DNAH11: variants seen among roughly 807,000 people sequenced by gnomAD.
The protein encoded by DNAH11 is dynein axonemal heavy chain 11.
A neutral mutation model predicts 526.0 loss-of-function variants in DNAH11; 442 were observed. That is an observed-to-expected ratio of 0.84 (90% CI 0.78 to 0.91). DNAH11 has a LOEUF of 0.91. Among genes scored for constraint, DNAH11 ranks in the 40% least tolerant of loss-of-function variants. The pLI, the probability that DNAH11 is intolerant of heterozygous loss-of-function variation, is 0.00. For missense variants in DNAH11, 6,989 were observed against 5,448.7 expected, an observed-to-expected ratio of 1.28 and a Z score of -8.90; for synonymous variants, 2,461 against 1,935.9, an observed-to-expected ratio of 1.27 and a Z score of -7.12.
intron 2 of DNAH11, among the ~76,000 whole-genome samples, chr7:21,546,508 A>G (rs1021884714): frequency 5.3e-5 from 8 of 152,168 alleles, no homozygotes; most frequent in Non-Finnish European, 8.8e-5. Context: ...TTCTTGCTCT[A>G]CTATCTGTGT....
chr7:21,666,356 TG>T (rs1444736053), intron 30 of DNAH11, among the ~76,000 whole-genome samples: 1 of 152,104 alleles, frequency 6.6e-6, no homozygotes, highest in African/African-American at 2.4e-5. Context: ...GCTTGGGATA[TG>T]GTAGGAAAGT....
chr7:21,747,978 A>G (rs1269748167), intron 51 of DNAH11, among the ~76,000 whole-genome samples: 1 of 152,216 alleles, frequency 6.6e-6, no homozygotes, highest in Non-Finnish European at 1.5e-5. Context: ...GCCTTTGCAT[A>G]TATTTTCTTT....
At chr7:21,817,957 A>G (rs888674460) in intron 64 of DNAH11, among the ~76,000 whole-genome samples, 22 of 152,214 alleles carry the variant, frequency 1.4e-4, no homozygotes, top group Admixed American at 1.1e-3. Flanking sequence ...AGTTGCTATT[A>G]CAAGCAACTA....
intron 54 of DNAH11, among the ~76,000 whole-genome samples, chr7:21,764,536 G>T (rs16872945): frequency 0.032 from 4,858 of 152,118 alleles, 250 homozygotes; most frequent in African/African-American, 0.11. Flanking sequence ...CCTCACGTAC[G>T]CAGGGACTTG....
chr7:21,841,142 C>G (rs758474298), intron 65 of DNAH11, among the ~76,000 whole-genome samples: 17 of 152,118 alleles, frequency 1.1e-4, no homozygotes, highest in Non-Finnish European at 2.1e-4. Flanking sequence ...CAAAATTGTA[C>G]CATTGCATTT....
chr7:21,552,920 A>G (rs1783075275), intron 2 of DNAH11, among the ~76,000 whole-genome samples: 1 of 152,102 alleles, frequency 6.6e-6, no homozygotes, highest in Non-Finnish European at 1.5e-5. Flanking sequence ...CATACCCCTT[A>G]GATATTGCAC....
intron 39 of DNAH11, among the ~76,000 whole-genome samples, 180 bp from the exon 40 acceptor site, chr7:21,707,519 T>G (rs1221958480): frequency 6.6e-6 from 1 of 152,268 alleles, no homozygotes; most frequent in Non-Finnish European, 1.5e-5. Context: ...ATTTGTAAGA[T>G]GAAGCTTTTC....
At chr7:21,727,221 C>A (rs1041014726) in intron 45 of DNAH11, among the ~76,000 whole-genome samples, 5 of 151,942 alleles carry the variant, frequency 3.3e-5, no homozygotes, top group Non-Finnish European at 1.5e-5. Flanking sequence ...GCGTGAGCCA[C>A]CGTGCCTGGC....
At chr7:21,582,516 A>C (rs1432150955) in intron 9 of DNAH11, among the ~76,000 whole-genome samples, 4 of 152,218 alleles carry the variant, frequency 2.6e-5, no homozygotes, top group African/African-American at 9.6e-5. Flanking sequence ...AATGCTGCCA[A>C]ATAATTATGA....
chr7:21,786,434 A>G (rs1788195333), intron 58 of DNAH11, among the ~76,000 whole-genome samples, 190 bp from the exon 59 acceptor site: 1 of 152,140 alleles, frequency 6.6e-6, no homozygotes, highest in Non-Finnish European at 1.5e-5. Flanking sequence ...GTATCAGAGA[A>G]GTGCCCAGCA....
rs776762381 is a variant in DNAH11 at position 21,816,744 on chromosome 7, G to A, written c.10568+42G>A. The A allele has an allele frequency of 3.7e-5, 57 of 1,538,776 alleles. 1 individual carries two copies. The highest frequency in any genetic ancestry group is 1.8e-4 in the Middle Eastern group (1 of 5,684). ...GAGACTGGCTTTCTGTTTACCTGCT[G>A]TGAAGTGGGTCTGATTTTTATAAAG... On this transcript the variant is annotated intron_variant, in intron 64 of 81. Transcript: ENST00000409508.
intron 61 of DNAH11, among the ~76,000 whole-genome samples, chr7:21,790,166 G>A (rs979602851): frequency 6.6e-6 from 1 of 151,984 alleles, no homozygotes; most frequent in African/African-American, 2.4e-5. Flanking sequence ...AATATTTTCG[G>A]CTCGGCGCAG....
At chr7:21,685,988 TG>T (rs1783359783) in intron 32 of DNAH11, among the ~76,000 whole-genome samples, 1 of 152,178 alleles carries the variant, frequency 6.6e-6, no homozygotes, top group Admixed American at 6.5e-5. Flanking sequence ...ACCCAAAACT[TG>T]GAACCACTGG....
intron 80 of DNAH11, 26 bp from the exon 81 acceptor site, chr7:21,899,954 A>G (rs1784692632): frequency 1.2e-6 from 2 of 1,612,306 alleles, no homozygotes; most frequent in African/African-American, 1.3e-5. Flanking sequence ...CTTTTATCCT[A>G]TTCAATTTTT....
intron 74 of DNAH11, among the ~76,000 whole-genome samples, chr7:21,879,406 G>T (rs1279195726): frequency 6.6e-6 from 1 of 151,796 alleles, no homozygotes; most frequent in African/African-American, 2.4e-5. Flanking sequence ...GCAGTGAGCA[G>T]AGATAGCCCC....
intron 30 of DNAH11, among the ~76,000 whole-genome samples, chr7:21,665,925 T>C (rs572250855): frequency 1.9e-4 from 29 of 152,114 alleles, no homozygotes; most frequent in Non-Finnish European, 2.9e-4. Flanking sequence ...TTGAAACCTT[T>C]TTAGTTTTCT....
Position 21,899,734 on chromosome 7 carries a change from T to G in DNAH11, c.13163-246T>G, listed in dbSNP as rs1784679145. Among the ~76,000 whole-genome samples, 3 of 152,318 alleles carry G rather than the reference T, an allele frequency of 2.0e-5. No individual in the cohort carries two copies. The South Asian group carries it at 6.2e-4, about 32-fold the overall frequency. On this transcript the variant is annotated intron_variant, in intron 80 of 81. Coordinates refer to ENST00000409508, the MANE Select transcript of DNAH11 (RefSeq NM_001277115.2). ...AAGGGCCACATAGCTTCTCTGCTAC[T>G]GTAGTGCGAAAACCACAGACAATCC...
At chr7:21,860,070 G>T (rs1782999163) in intron 68 of DNAH11, among the ~76,000 whole-genome samples, 1 of 152,164 alleles carries the variant, frequency 6.6e-6, no homozygotes, top group African/African-American at 2.4e-5. Flanking sequence ...CTACCCAAGA[G>T]GCTGAGGTGG....
At chr7:21,833,741 A>T (rs1209437460) in intron 65 of DNAH11, among the ~76,000 whole-genome samples, 3 of 152,070 alleles carry the variant, frequency 2.0e-5, no homozygotes, top group Non-Finnish European at 2.9e-5. Flanking sequence ...AAATCACAGG[A>T]TGCACATAGA....
Sources: allele counts gnomAD v4.1 joint callset (sites outside exome capture counted in the v4.1 genomes callset), GRCh38; gene constraint gnomAD v4.1.1; transcripts MANE v1.5; gene names NCBI Gene and HGNC (gene_info 2026-07-23, HGNC 2026-07-21).